PDE1C: variants seen among roughly 807,000 people sequenced by gnomAD.
The protein encoded by PDE1C is dual specificity calcium/calmodulin-dependent 3',5'-cyclic nucleotide phosphodiesterase 1C.
A neutral mutation model predicts 93.1 loss-of-function variants in PDE1C; 62 were observed. The observed-to-expected ratio is 0.67, with a 90% CI of 0.54 to 0.82. The LOEUF is 0.82. Ranked by LOEUF, PDE1C falls within the 40% of genes least tolerant of loss-of-function variation. PDE1C has a pLI of 0.00. For missense variants in PDE1C, 742 were observed against 884.6 expected (o/e 0.84, Z 2.04); for synonymous variants, 325 against 310.1 (o/e 1.05, Z -0.50).
At chr7:31,729,916 C>T in the PDE1C span, among the ~76,000 whole-genome samples, 1 of 152,088 alleles carries the variant, frequency 6.6e-6, no homozygotes, top group African/African-American at 2.4e-5. Context: ...AGGAAGGACA[C>T]GTGGTATAAC....
intron 2 of PDE1C, among the ~76,000 whole-genome samples, chr7:31,885,044 G>C (rs566814040): frequency 1.3e-5 from 2 of 152,232 alleles, no homozygotes; most frequent in South Asian, 4.1e-4. Context: ...CCATCTAAAA[G>C]GCAAATGTCC....
chr7:32,095,233 T>C (rs995005237), intron 3 of PDE1C, among the ~76,000 whole-genome samples: 27 of 152,192 alleles, frequency 1.8e-4, no homozygotes, highest in African/African-American at 6.0e-4. Flanking sequence ...GCCTGAAGAC[T>C]GAAAATCTTG....
At chr7:31,769,774 C>T (rs1795364667) in intron 17 of PDE1C, among the ~76,000 whole-genome samples, 1 of 152,184 alleles carries the variant, frequency 6.6e-6, no homozygotes, top group South Asian at 2.1e-4. Context: ...TCTCTTTTCT[C>T]CCCAGCCCGT....
rs189161007 is a variant in PDE1C, at chr7:31,869,395, A to G, written c.609+3897T>C. 1.7e-3 allele frequency among the ~76,000 whole-genome samples: 255 copies of G among 152,206 alleles called. 1 individual carries two copies. Among genetic ancestry groups the G allele is most frequent in the African/African-American group, 5.6e-3 (234 of 41,568 alleles). The stretch of plus-strand genomic sequence containing the variant: ...TAAGAAACTCTTTTCACCTGTAAAG[A>G]CACATGTAGACTGAAAAGAAAAAGA... On this transcript the variant is annotated intron_variant, in intron 6 of 17. Transcript: ENST00000396191.
chr7:31,932,937 C>G (rs975897389), intron 2 of PDE1C, among the ~76,000 whole-genome samples: 1 of 152,004 alleles, frequency 6.6e-6, no homozygotes, highest in African/African-American at 2.4e-5. Flanking sequence ...AAACTGGAAA[C>G]CATCTTTCTC....
At chr7:32,285,874 C>G (rs190947180) in intron 1 of PDE1C, among the ~76,000 whole-genome samples, 1 of 151,814 alleles carries the variant, frequency 6.6e-6, no homozygotes, top group East Asian at 1.9e-4. Flanking sequence ...AAAACTAAGT[C>G]CAAGCGTTTG....
At chr7:32,054,638 AAGAC>A (rs1344374629) in intron 1 of PDE1C, among the ~76,000 whole-genome samples, 1 of 152,164 alleles carries the variant, frequency 6.6e-6, no homozygotes, top group African/African-American at 2.4e-5. Context: ...GACCCAAAGA[AAGAC>A]AGACCAGAAG....
the PDE1C span, among the ~76,000 whole-genome samples, chr7:31,640,757 G>A: frequency 6.6e-6 from 1 of 151,752 alleles, no homozygotes; most frequent in African/African-American, 2.4e-5. Context: ...TTAGATCTAT[G>A]ACTTGCAAAT....
chr7:31,674,385 C>A, the PDE1C span, among the ~76,000 whole-genome samples: 1 of 152,098 alleles, frequency 6.6e-6, no homozygotes, highest in African/African-American at 2.4e-5. Flanking sequence ...CTGTAAAATG[C>A]TTTCGACTTT....
In PDE1C at chr7:31,786,953, CTATCATCT is replaced by C. The variant is rs1292063875; in HGVS notation, c.1892-11229_1892-11222del. On this transcript the variant is annotated intron_variant, in intron 16 of 17. Coordinates refer to ENST00000396191, the MANE Select transcript of PDE1C (RefSeq NM_001191057.4). ...TCTATCTATCTATCTATCTATCTAT[CTATCATCT>C]ATCTATCTATCTATCTACCTACCTA... The C allele has an allele frequency of 4.1e-3, 474 of 115,506 alleles. 4 individuals are homozygous for C. The highest frequency in any genetic ancestry group is 0.021 in the African/African-American group (447 of 21,104). 7.2% of individuals were successfully genotyped at this position (115,506 alleles called of 1,614,324 possible).
chr7:32,202,416 T>G (rs559968888), intron 2 of PDE1C, among the ~76,000 whole-genome samples: 1 of 152,338 alleles, frequency 6.6e-6, no homozygotes, highest in Non-Finnish European at 1.5e-5. Flanking sequence ...GATGGGCTCC[T>G]GCAAAGAGCT....
At chr7:32,070,564 G>A (rs146385341), upstream of PDE1C, 8,069 of 1,441,902 alleles carry the variant, frequency 5.6e-3, 33 homozygotes, top group Non-Finnish European at 6.8e-3. Flanking sequence ...AGCGGACTCC[G>A]ATCGCGGCAA....
At chr7:32,247,961 A>G (rs959841714) in intron 1 of PDE1C, among the ~76,000 whole-genome samples, 3 of 152,194 alleles carry the variant, frequency 2.0e-5, no homozygotes, top group African/African-American at 7.2e-5. Flanking sequence ...AGGCATAGCA[A>G]TAATGATGGA....
At chr7:32,069,001 C>T (rs1035058971) in intron 1 of PDE1C, among the ~76,000 whole-genome samples, 9 of 152,206 alleles carry the variant, frequency 5.9e-5, no homozygotes, top group African/African-American at 2.2e-4. Flanking sequence ...GTCAGGAAAG[C>T]CTGCCAGCCA....
At chr7:31,945,098 T>C (rs1490385341) in intron 2 of PDE1C, among the ~76,000 whole-genome samples, 2 of 152,196 alleles carry the variant, frequency 1.3e-5, no homozygotes, top group Non-Finnish European at 2.9e-5. Flanking sequence ...AATTGAAATC[T>C]ATTTCAAATA....
chr7:31,991,497 C>T (rs923793433), intron 2 of PDE1C, among the ~76,000 whole-genome samples: 17 of 152,142 alleles, frequency 1.1e-4, no homozygotes, highest in African/African-American at 4.1e-4. Context: ...TTCTCTTTGC[C>T]TTCACATAGT....
the PDE1C span, among the ~76,000 whole-genome samples, chr7:31,634,790 A>T: frequency 1.3e-5 from 2 of 152,194 alleles, no homozygotes; most frequent in Admixed American, 6.5e-5. Context: ...AGGTGATAAG[A>T]TCTAGCTGGA....
chr7:32,114,508 A>G (rs1200417235), intron 3 of PDE1C, among the ~76,000 whole-genome samples: 1 of 152,230 alleles, frequency 6.6e-6, no homozygotes, highest in Non-Finnish European at 1.5e-5. Flanking sequence ...CCAAAGCCAT[A>G]AAAGCCCTAG....
chr7:32,084,244 G>T (rs1033025575), intron 3 of PDE1C, among the ~76,000 whole-genome samples: 1 of 152,050 alleles, frequency 6.6e-6, no homozygotes, highest in African/African-American at 2.4e-5. Context: ...AAAGATCAAA[G>T]GAGACAAAGA....
Sources: gnomAD v4.1 joint callset for allele counts (sites outside exome capture counted in the v4.1 genomes callset) on GRCh38, gnomAD v4.1.1 for gene constraint, MANE v1.5 for transcripts, NCBI Gene and HGNC (gene_info 2026-07-23, HGNC 2026-07-21) for gene names.